Variants in PDSS2 observed in about 807,000 individuals in gnomAD.
PDSS2 encodes the protein all trans-polyprenyl-diphosphate synthase PDSS2.
A neutral mutation model predicts 44.5 loss-of-function variants in PDSS2; 31 were observed. That is an observed-to-expected ratio of 0.70 (90% CI 0.52 to 0.94). The LOEUF is 0.94. Among genes scored for constraint, PDSS2 ranks in the 40% least tolerant of loss-of-function variants. The pLI, the probability that PDSS2 is intolerant of heterozygous loss-of-function variation, is 0.00. For synonymous variants in PDSS2, 157 were observed against 180.3 expected (o/e 0.87, Z 1.03); for missense variants, 452 against 482.2 (o/e 0.94, Z 0.59).
chr6:107,423,739 G>C (rs143511639), intron 1 of PDSS2, among the ~76,000 whole-genome samples: 1 of 152,118 alleles, frequency 6.6e-6, no homozygotes, highest in African/African-American at 2.4e-5. Context: ...GGCTCATTAA[G>C]TTAAAATTCT....
At chr6:107,446,370 TAC>T (rs761137113) in intron 1 of PDSS2, among the ~76,000 whole-genome samples, 66 of 151,944 alleles carry the variant, frequency 4.3e-4, no homozygotes, top group Non-Finnish European at 7.5e-4. Context: ...GCAGAAACAC[TAC>T]AGAGTCCCAG....
rs1235922802 is a variant in PDSS2 at position 107,308,893 on chromosome 6, A to G, written c.431+25305T>C. On this transcript the variant is annotated intron_variant, in intron 2 of 7. Transcript: ENST00000369037. ...AAAAATGGCTGCAGCCAGCTGACTG[A>G]AACTGGAATATGGGTGGAGCACAGA... Among the ~76,000 whole-genome samples the G allele has an allele frequency of 3.9e-5, 6 of 152,198 alleles. No individual in the cohort carries two copies. In the East Asian group the frequency reaches 1.2e-3, roughly 29 times the overall value.
At chr6:107,402,412 T>A (rs1780136917) in intron 1 of PDSS2, among the ~76,000 whole-genome samples, 1 of 14,842 alleles carries the variant, frequency 6.7e-5, no homozygotes, top group East Asian at 2.0e-3. Flanking sequence ...AATAAAGATA[T>A]ACCAGAGACT....
chr6:107,410,328 G>A (rs1435031886), intron 1 of PDSS2, among the ~76,000 whole-genome samples: 2 of 152,138 alleles, frequency 1.3e-5, no homozygotes, highest in African/African-American at 4.8e-5. Flanking sequence ...CCACCCCACT[G>A]GTAATCAATC....
intron 2 of PDSS2, among the ~76,000 whole-genome samples, chr6:107,294,219 T>G (rs1040160742): frequency 8.5e-5 from 13 of 152,164 alleles, no homozygotes; most frequent in African/African-American, 3.1e-4. Context: ...GGGGCAAAGA[T>G]CTGTTTCCAA....
At chr6:107,173,700 G>C (rs1370505494) in intron 7 of PDSS2, among the ~76,000 whole-genome samples, 1 of 150,356 alleles carries the variant, frequency 6.7e-6, no homozygotes, top group Non-Finnish European at 1.5e-5. Flanking sequence ...TGAAGATGAA[G>C]AAGAAATGCA....
At chr6:107,347,433 C>G (rs1273095554) in intron 1 of PDSS2, among the ~76,000 whole-genome samples, 3 of 151,992 alleles carry the variant, frequency 2.0e-5, no homozygotes, top group Admixed American at 2.0e-4. Flanking sequence ...TCACGCCTGG[C>G]TAACTTTTTG....
At chr6:107,444,023 A>G (rs370375638) in intron 1 of PDSS2, among the ~76,000 whole-genome samples, 11 of 152,100 alleles carry the variant, frequency 7.2e-5, no homozygotes, top group African/African-American at 2.6e-4. Context: ...TCTATGACAT[A>G]GCTACTATTA....
intron 4 of PDSS2, among the ~76,000 whole-genome samples, chr6:107,212,655 T>C (rs999915925): frequency 6.6e-6 from 1 of 152,112 alleles, no homozygotes; most frequent in Non-Finnish European, 1.5e-5. Flanking sequence ...TGCATTTAAT[T>C]TATGTGAAAA....
chr6:107,450,750 A>G (rs890965782), intron 1 of PDSS2, among the ~76,000 whole-genome samples: 11 of 152,324 alleles, frequency 7.2e-5, no homozygotes, highest in East Asian at 3.9e-4. Context: ...TGGTATGGAC[A>G]TAAGTTTTTA....
chr6:107,315,276 A>C (rs777423603), intron 2 of PDSS2, among the ~76,000 whole-genome samples: 11 of 152,240 alleles, frequency 7.2e-5, no homozygotes, highest in Non-Finnish European at 1.6e-4. Context: ...ATTTAAATAA[A>C]TATTGCAAAA....
In PDSS2 at chr6:107,181,065, G is replaced by A. The variant is rs189834006; in HGVS notation, c.1041+12757C>T. Among the ~76,000 whole-genome samples, 1,226 of 152,130 alleles carry A rather than the reference G, an allele frequency of 8.1e-3. 6 individuals are homozygous for A. The highest frequency in any genetic ancestry group is 0.013 in the Non-Finnish European group (898 of 68,000). On this transcript the variant is annotated intron_variant, in intron 7 of 7. Coordinates refer to ENST00000369037, the MANE Select transcript of PDSS2 (RefSeq NM_020381.4). ...TCACCATGTTGGTCAGGCTGGGCTC[G>A]AACTCCTGACCTCAGGTAATCCACC... is the stretch of plus-strand genomic sequence containing the variant.
chr6:107,235,196 T>C (rs769654622), intron 4 of PDSS2, among the ~76,000 whole-genome samples: 1 of 152,196 alleles, frequency 6.6e-6, no homozygotes, highest in Admixed American at 6.6e-5. Context: ...GGGCTAGGGT[T>C]CATAGGGCAG....
rs5878909 is a variant in PDSS2, at chr6:107,231,962, CAA to C, written c.702+13584_702+13585del. Among the ~76,000 whole-genome samples the C allele has an allele frequency of 7.7e-3, 1,060 of 137,698 alleles. 8 individuals carry two copies. The highest frequency in any genetic ancestry group is 0.021 in the African/African-American group (790 of 37,360). The allele number at this position is 137,698 out of a possible 152,430, so 90.3% of individuals were successfully genotyped here. On this transcript the variant is annotated intron_variant, in intron 4 of 7. Coordinates refer to ENST00000369037, the MANE Select transcript of PDSS2 (RefSeq NM_020381.4). Reference sequence around the variant, plus strand: ...GGGCAACAAGAGTGAAACTCTGTCTCAAAAAAAAAAAAAAAAAATTATCACCC... The same window carrying C: ...GGGCAACAAGAGTGAAACTCTGTCTCAAAAAAAAAAAAAAAATTATCACCC...
rs1394327670 is a variant in PDSS2 at position 107,429,710 on chromosome 6, C to T, written c.296+29280G>A. Among the ~76,000 whole-genome samples, 5 of 151,242 alleles carry T rather than the reference C, an allele frequency of 3.3e-5. No homozygotes were observed. In the East Asian group the frequency reaches 9.7e-4, roughly 29 times the overall value. On this transcript the variant is annotated intron_variant, in intron 1 of 7. Transcript: ENST00000369037. ...GACCAGCCTGACCAACATGGAGAAACCCTGTCTCTACTAAAAATACAAAAT... is the reference window on the plus strand; with the variant it reads ...GACCAGCCTGACCAACATGGAGAAATCCTGTCTCTACTAAAAATACAAAAT...
Position 107,193,807 on chromosome 6 carries a change from A to G in PDSS2, c.1041+15T>C, listed in dbSNP as rs750327459. ...AAATGTGTAAAATAGTACAGTATGT[A>G]TAAAATCTGCCTACCTTAGCATAGT... On this transcript the variant is annotated intron_variant, in intron 7 of 7. Transcript: ENST00000369037. The G allele has an allele frequency of 6.1e-6, 9 of 1,476,626 alleles. No individual in the cohort carries two copies. The East Asian group carries it at 1.8e-4, about 30-fold the overall frequency. The allele number at this position is 1,476,626 out of a possible 1,614,324, so 91.5% of individuals were successfully genotyped here.
intron 1 of PDSS2, among the ~76,000 whole-genome samples, chr6:107,392,554 A>C (rs1227143088): frequency 6.6e-6 from 1 of 152,248 alleles, no homozygotes; most frequent in Non-Finnish European, 1.5e-5. Context: ...TAAATCTGAC[A>C]GAGAAAAATG....
intron 1 of PDSS2, among the ~76,000 whole-genome samples, chr6:107,362,255 G>A (rs1778802992): frequency 6.6e-6 from 1 of 152,224 alleles, no homozygotes. Context: ...TGGGACATGA[G>A]AGGTCCCAAA....
intron 1 of PDSS2, among the ~76,000 whole-genome samples, chr6:107,376,335 C>G (rs918291815): frequency 4.6e-5 from 7 of 151,852 alleles, no homozygotes; most frequent in African/African-American, 1.7e-4. Flanking sequence ...GGCATTGAAT[C>G]TATAAATTAC....
Sources: allele counts gnomAD v4.1 joint callset (sites outside exome capture counted in the v4.1 genomes callset), GRCh38; gene constraint gnomAD v4.1.1; transcripts MANE v1.5; gene names NCBI Gene and HGNC (gene_info 2026-07-23, HGNC 2026-07-21).